Variants in TOP1 observed in about 807,000 individuals in gnomAD.
The protein encoded by TOP1 is DNA topoisomerase I.
A neutral mutation model predicts 111.1 loss-of-function variants in TOP1; 10 were observed. The observed-to-expected ratio is 0.09, with a 90% confidence interval of 0.06 to 0.15. The LOEUF (loss-of-function observed/expected upper bound fraction) is 0.15. Among genes scored for constraint, TOP1 ranks in the 10% least tolerant of loss-of-function variants. The pLI, the probability that TOP1 is intolerant of heterozygous loss-of-function variation, is 1.00. For synonymous variants in TOP1, 271 were observed against 302.9 expected (o/e 0.89, Z 1.10); for missense variants, 474 against 926.7 (o/e 0.51, Z 6.34).
intron 5 of TOP1, 44 bp downstream of exon 5, chr20:41,077,681 C>T: frequency 6.4e-7 from 1 of 1,560,176 alleles, no homozygotes; most frequent in Non-Finnish European, 8.8e-7. Context: ...TCTGGGTGGA[C>T]AGCAGGCCAG....
chr20:41,049,742 A>G (rs980250977), intron 2 of TOP1, among the ~76,000 whole-genome samples: 1 of 152,264 alleles, frequency 6.6e-6, no homozygotes, highest in Admixed American at 6.5e-5. Flanking sequence ...AGTGGCACTC[A>G]GTAAATACTT....
At chr20:41,036,832 C>CTTTTCTTT (rs1568669826) in intron 2 of TOP1, among the ~76,000 whole-genome samples, 1 of 128,234 alleles carries the variant, frequency 7.8e-6, no homozygotes. Context: ...TCCTACTTTT[C>CTTTTCTTT]TTTTTTTTTT....
chr20:41,090,027 G>A (rs1213132475), intron 8 of TOP1, among the ~76,000 whole-genome samples: 3 of 152,048 alleles, frequency 2.0e-5, no homozygotes, highest in Non-Finnish European at 4.4e-5. Flanking sequence ...AGGCTGGAGT[G>A]CAGTGGCGCA....
chr20:41,045,324 T>A (rs774117893), intron 2 of TOP1, among the ~76,000 whole-genome samples: 1 of 152,140 alleles, frequency 6.6e-6, no homozygotes, highest in African/African-American at 2.4e-5. Flanking sequence ...AATTTGATGT[T>A]ATGAGTTTGA....
chr20:41,122,270 G>C lies in TOP1; in HGVS notation c.2195+115G>C. 2 of 1,125,766 alleles carry C rather than the reference G, an allele frequency of 1.8e-6. No homozygotes were observed. The highest frequency in any genetic ancestry group is 2.6e-6 in the Non-Finnish European group (2 of 775,396). The allele number at this position is 1,125,766 out of a possible 1,614,324, so 69.7% of individuals were successfully genotyped here. A position where few individuals can be genotyped will look rare whatever the true frequency, so the allele number is the denominator to read the frequency against. ...CCTAAGCTACACACTTTAGTCCTCT[G>C]GGGAAACTTCTGGCTTCAGCTGTGT... On this transcript the variant is annotated intron_variant, in intron 20 of 20. Coordinates refer to ENST00000361337, the MANE Select transcript of TOP1 (RefSeq NM_003286.4). The surrounding 1 kb of genome is among the most constrained non-coding windows in gnomAD (Gnocchi z 5.4).
chr20:41,093,925 CGCCTGTAGTCCCA>C (rs1420080834), intron 9 of TOP1, among the ~76,000 whole-genome samples: 9 of 152,120 alleles, frequency 5.9e-5, no homozygotes, highest in Admixed American at 3.9e-4. Context: ...TGGTGGTGCA[CGCCTGTAGTCCCA>C]GCTACTCGGG....
chr20:41,053,777 T>G (rs1386854456), intron 2 of TOP1, among the ~76,000 whole-genome samples: 1 of 152,254 alleles, frequency 6.6e-6, no homozygotes, highest in Non-Finnish European at 1.5e-5. Flanking sequence ...CCATTCTACA[T>G]TCTGCCTCCT....
Position 41,097,157 on chromosome 20 carries a change from T to A in TOP1, c.731-63T>A, listed in dbSNP as rs529174604. 6.4e-7 allele frequency: 1 copy of A among 1,571,228 alleles called. No individual in the cohort carries two copies. Among genetic ancestry groups the A allele is most frequent in the South Asian group, 1.2e-5 (1 of 86,098 alleles). On this transcript the variant is annotated intron_variant, in intron 9 of 20. Transcript: ENST00000361337. This position sits in a 1 kb window ranked among gnomAD's most constrained non-coding sequence, Gnocchi z 4.2. The stretch of plus-strand genomic sequence containing the variant: ...ATTATTAAAGAGAATTCGCTAGCCC[T>A]GGGTATTTATGCTTAGAACATGAAT...
At chr20:41,081,558 A>G (rs2033788757) in intron 7 of TOP1, among the ~76,000 whole-genome samples, 2 of 152,222 alleles carry the variant, frequency 1.3e-5, no homozygotes, top group African/African-American at 2.4e-5. Context: ...AGTGTTAACA[A>G]GAAACCACAT....
Position 41,080,268 on chromosome 20 carries a change from A to G in TOP1, c.431+88A>G. The G allele has an allele frequency of 1.3e-6, 1 of 747,166 alleles. No homozygotes were observed. The highest frequency in any genetic ancestry group is 1.8e-5 in the South Asian group (1 of 54,496). The allele number at this position is 747,166 out of a possible 1,614,324, so 46.3% of individuals were successfully genotyped here. A position where few individuals can be genotyped will look rare whatever the true frequency, so the allele number is the denominator to read the frequency against. Reference sequence around the variant, plus strand: ...TGATGTGTTTCTTTATAATACATATAGAAACTGCATTAATTGGCTTTTACT... The same window carrying G: ...TGATGTGTTTCTTTATAATACATATGGAAACTGCATTAATTGGCTTTTACT... On this transcript the variant is annotated intron_variant, in intron 6 of 20. Coordinates refer to ENST00000361337, the MANE Select transcript of TOP1 (RefSeq NM_003286.4). This position sits in a 1 kb window ranked among gnomAD's most constrained non-coding sequence, Gnocchi z 5.0.
At position 41,117,380 on chromosome 20, in the gene TOP1, A is replaced by ATTTTTT. The variant is rs1192075214; in HGVS notation, c.1823-769_1823-764dup. Among the ~76,000 whole-genome samples, 65 of 85,522 alleles carry ATTTTTT rather than the reference A, an allele frequency of 7.6e-4. 2 individuals carry two copies. The highest frequency in any genetic ancestry group is 1.0e-3 in the Non-Finnish European group (49 of 47,490). 56.1% of individuals were successfully genotyped at this position (85,522 alleles called of 152,430 possible). A position where few individuals can be genotyped will look rare whatever the true frequency, so the allele number is the denominator to read the frequency against. On this transcript the variant is annotated intron_variant, in intron 17 of 20. Transcript: ENST00000361337. ...TAATAATACTACCAACTGTGGCTTA[A>ATTTTTT]TTTTTTTTTTTTTTTTTTTTTTTTT...
chr20:41,065,260 CACTTACTAGTCTA>C (rs1380425254), intron 3 of TOP1, among the ~76,000 whole-genome samples: 20 of 152,148 alleles, frequency 1.3e-4, no homozygotes, highest in Non-Finnish European at 2.5e-4. Flanking sequence ...AGATAGCTGG[CACTTACTAGTCTA>C]TATTTATTGA....
rs957296571 is a variant in TOP1, at chr20:41,118,729, G to A, written c.1950+433G>A. On this transcript the variant is annotated intron_variant, in intron 18 of 20. Transcript: ENST00000361337. This position sits in a 1 kb window ranked among gnomAD's most constrained non-coding sequence, Gnocchi z 4.6. ...TATATTTAAAGTCTTTCAAATCCTA[G>A]CATAGCTATTTTTATTTTTACGCAT... 1.6e-4 allele frequency among the ~76,000 whole-genome samples: 24 copies of A among 152,156 alleles called. No individual in the cohort carries two copies. The highest frequency in any genetic ancestry group is 5.3e-4 in the African/African-American group (22 of 41,440).
intron 8 of TOP1, among the ~76,000 whole-genome samples, chr20:41,084,969 T>G (rs2033830133): frequency 6.6e-6 from 1 of 152,136 alleles, no homozygotes. Flanking sequence ...TTTATAATTG[T>G]GCAGTAGTGA....
Position 41,115,521 on chromosome 20 carries a change from G to T in TOP1, c.1707+82G>T. 9.3e-7 allele frequency: 1 copy of T among 1,072,134 alleles called. No homozygotes were observed. Among genetic ancestry groups the T allele is most frequent in the Non-Finnish European group, 1.4e-6 (1 of 694,030 alleles). 66.4% of individuals were successfully genotyped at this position (1,072,134 alleles called of 1,614,324 possible). A position where few individuals can be genotyped will look rare whatever the true frequency, so the allele number is the denominator to read the frequency against. Reference sequence around the variant, plus strand: ...CTAAAGGGGAGGGTTGCTGGCAGATGACTTGGGCTCTCCCTTTAGCCTGGC... The same window carrying T: ...CTAAAGGGGAGGGTTGCTGGCAGATTACTTGGGCTCTCCCTTTAGCCTGGC... On this transcript the variant is annotated intron_variant, in intron 16 of 20. Coordinates refer to ENST00000361337, the MANE Select transcript of TOP1 (RefSeq NM_003286.4). The surrounding 1 kb of genome is among the most constrained non-coding windows in gnomAD (Gnocchi z 6.3).
At chr20:41,056,751 G>A (rs1318182777) in intron 2 of TOP1, among the ~76,000 whole-genome samples, 4 of 152,116 alleles carry the variant, frequency 2.6e-5, no homozygotes, top group Admixed American at 1.3e-4. Context: ...CAAAGTGTTG[G>A]GATTGTAAAC....
In TOP1 at chr20:41,058,159, C is replaced by T. The variant is rs2033497491; in HGVS notation, c.59-3235C>T. 6.6e-6 allele frequency among the ~76,000 whole-genome samples: 1 copy of T among 152,168 alleles called. No individual in the cohort carries two copies. The highest frequency in any genetic ancestry group is 6.5e-5 in the Admixed American group (1 of 15,288). ...ACGGTCATGCAGATTTCTATTTTCC[C>T]AGGGCCTGACACAGAATAGATGCTC... On this transcript the variant is annotated intron_variant, in intron 2 of 20. Transcript: ENST00000361337. The surrounding 1 kb of genome is among the most constrained non-coding windows in gnomAD (Gnocchi z 4.2).
In TOP1 at chr20:41,066,274, A is replaced by AT. The variant is rs575101297; in HGVS notation, c.155+4791dup. 9.3e-4 allele frequency among the ~76,000 whole-genome samples: 140 copies of AT among 150,966 alleles called. 1 individual carries two copies. The highest frequency in any genetic ancestry group is 3.1e-3 in the African/African-American group (126 of 41,174). ...CTCTTAAAAAAAAAAAAGGGATGTG[A>AT]TTTTTTTAGAAGAAATCCTCATCCT... On this transcript the variant is annotated intron_variant, in intron 3 of 20. Coordinates refer to ENST00000361337, the MANE Select transcript of TOP1 (RefSeq NM_003286.4).
chr20:41,072,534 C>G (rs1186597915), intron 3 of TOP1: 1 of 985,310 alleles, frequency 1.0e-6, no homozygotes, highest in East Asian at 1.1e-4. Flanking sequence ...CCTGGCACAG[C>G]CCTGGACATG....
Sources: gnomAD v4.1 joint callset for allele counts (sites outside exome capture counted in the v4.1 genomes callset) on GRCh38, gnomAD v4.1.1 for gene constraint, Gnocchi (gnomAD v3.1) non-coding constraint, MANE v1.5 for transcripts, NCBI Gene and HGNC (gene_info 2026-07-23, HGNC 2026-07-21) for gene names.